NLGN3: variants seen among roughly 807,000 people sequenced by gnomAD.
The protein encoded by NLGN3 is neuroligin 3.
A neutral mutation model predicts 42.9 loss-of-function variants in NLGN3; 11 were observed. That is an observed-to-expected ratio of 0.26 (90% CI 0.16 to 0.42). NLGN3 has a LOEUF of 0.42. Ranked by LOEUF, NLGN3 falls within the 10% of genes least tolerant of loss-of-function variation. The pLI is 1.00. For missense variants in NLGN3, 374 were observed against 733.8 expected (o/e 0.51, Z 5.67); for synonymous variants, 279 against 312.7 (o/e 0.89, Z 1.14).
chrX:71,171,664 G>C (rs2092471593), downstream of NLGN3: 1 of 752,111 alleles, frequency 1.3e-6, no homozygotes, highest in Non-Finnish European at 1.6e-6. Context: ...TGCAGCGTCA[G>C]ACGTGGACTC....
At position 71,158,886 on chromosome X, in the gene NLGN3, C is replaced by G. The variant is rs766627224; in HGVS notation, c.727+3523C>G. Among the ~76,000 whole-genome samples the G allele has an allele frequency of 7.1e-5, 8 of 111,986 alleles. No homozygotes were observed. The East Asian group carries it at 2.0e-3, about 27-fold the overall frequency. On this transcript the variant is annotated intron_variant, in intron 5 of 7. Transcript: ENST00000358741. ...ATTACTTCACAATCCTTCAGCTGCTCTAATCCTTAAGCTTCTACACCAGAA... is the reference window on the plus strand; with the variant it reads ...ATTACTTCACAATCCTTCAGCTGCTGTAATCCTTAAGCTTCTACACCAGAA...
chrX:71,149,300 A>G (rs1269623431), intron 3 of NLGN3, among the ~76,000 whole-genome samples: 1 of 110,299 alleles, frequency 9.1e-6, no homozygotes, highest in Non-Finnish European at 1.9e-5. Context: ...TCCTGGATTG[A>G]AAGTCTAGAC....
chrX:71,145,716 T>C (rs1379611802), intron 1 of NLGN3, among the ~76,000 whole-genome samples: 1 of 102,296 alleles, frequency 9.8e-6, no homozygotes, highest in Admixed American at 1.1e-4. Flanking sequence ...AAGGAGAATT[T>C]GGCATTTGGC....
chrX:71,170,546 CTT>C lies in NLGN3; in HGVS notation c.*454_*455del, dbSNP rs753142830. 1.6e-5 allele frequency: 13 copies of C among 795,164 alleles called. No individual in the cohort carries two copies. Among genetic ancestry groups the C allele is most frequent in the Non-Finnish European group, 2.0e-5 (13 of 665,778 alleles). The allele number at this position is 795,164 out of a possible 1,213,427, so 65.5% of individuals were successfully genotyped here. On this transcript the variant is annotated 3_prime_UTR_variant, in exon 8 of 8. Coordinates refer to ENST00000358741, the MANE Select transcript of NLGN3 (RefSeq NM_181303.2). ...TAGCTCTTCCTCCCCAGGACTTGGT[CTT>C]TTTTCTGGGTCTTGTTTTGTTGATT...
chrX:71,171,738 T>C (rs767160253), downstream of NLGN3: 7 of 668,021 alleles, frequency 1.0e-5, no homozygotes, highest in Non-Finnish European at 1.2e-5. Flanking sequence ...TGTTTGCTGC[T>C]CTGTGAATTA....
At chrX:71,158,944 T>C (rs757195321) in intron 5 of NLGN3, among the ~76,000 whole-genome samples, 3 of 111,654 alleles carry the variant, frequency 2.7e-5, no homozygotes, top group Admixed American at 9.4e-5. Flanking sequence ...TTGGACCCTT[T>C]TGAGATTCTG....
At chrX:71,160,038 G>A (rs1421512391) in intron 5 of NLGN3, among the ~76,000 whole-genome samples, 2 of 104,305 alleles carry the variant, frequency 1.9e-5, no homozygotes, top group African/African-American at 7.0e-5. Context: ...ACCCGGCGGG[G>A]AATTTTCCTG....
Position 71,167,593 on chromosome X carries a change from C to T in NLGN3, c.1496C>T (p.Ser499Leu). 1.7e-6 allele frequency: 2 copies of T among 1,211,145 alleles called. No homozygotes were observed. The highest frequency in any genetic ancestry group is 1.1e-6 in the Non-Finnish European group (1 of 895,335). ...VTADLHARYG[S>L]PTYFYAFYHH... ...GCCGATCTGCATGCCCGCTACGGCT[C>T]GCCTACCTACTTCTACGCCTTCTAT... Residue 499 changes from serine to leucine, a missense_variant, in exon 7 of 8, where the codon TCG becomes TTG. Ser to Leu is a moderately radical substitution (Grantham distance 145). This residue lies in a region of NLGN3 where 142 missense variants were observed against 359.1 expected (regional missense o/e 0.40). Coordinates refer to ENST00000358741, the MANE Select transcript of NLGN3 (RefSeq NM_181303.2).
At chrX:71,168,867 A>G (rs867700918) in intron 7 of NLGN3, among the ~76,000 whole-genome samples, 2 of 69,251 alleles carry the variant, frequency 2.9e-5, no homozygotes, top group Admixed American at 1.6e-4. Flanking sequence ...GAAAGAAAGA[A>G]AGAGAAAGAA....
chrX:71,147,138 C>G (rs188283349), intron 1 of NLGN3, among the ~76,000 whole-genome samples: 90 of 111,311 alleles, frequency 8.1e-4, no homozygotes, highest in African/African-American at 2.3e-3. Flanking sequence ...AAGTGGAGGT[C>G]CCTGTGTGGG....
downstream of NLGN3, among the ~76,000 whole-genome samples, chrX:71,171,934 T>C (rs374247839): frequency 9.0e-5 from 10 of 111,000 alleles, no homozygotes; most frequent in African/African-American, 3.3e-4. Flanking sequence ...GATAGTTGGG[T>C]GGGGTTGCTG....
rs187988610 is a variant in NLGN3 at position 71,165,312 on chromosome X, G to A, written c.913+984G>A. Among the ~76,000 whole-genome samples, 13 of 111,425 alleles carry A rather than the reference G, an allele frequency of 1.2e-4. No individual in the cohort carries two copies. In the East Asian group the frequency reaches 1.4e-3, roughly 12 times the overall value. On this transcript the variant is annotated intron_variant, in intron 6 of 7. Coordinates refer to ENST00000358741, the MANE Select transcript of NLGN3 (RefSeq NM_181303.2). ...TGGGATCTGCCTCTCTAAAGAGAGA[G>A]ACTGTGTTCCTAGGTGACCATAGTG...
chrX:71,168,884 G>GAAA (rs774015992), intron 7 of NLGN3, among the ~76,000 whole-genome samples: 1,895 of 71,421 alleles, frequency 0.027, 76 homozygotes, highest in Admixed American at 0.12. Flanking sequence ...AGAAAAGAAA[G>GAAA]AGAAAGAAAG....
chrX:71,148,524 T>G (rs968485048), intron 2 of NLGN3, among the ~76,000 whole-genome samples: 7 of 111,195 alleles, frequency 6.3e-5, no homozygotes, highest in African/African-American at 2.3e-4. Context: ...CGCGGGAGGA[T>G]GCTGGCTCCA....
At chrX:71,153,102 A>C (rs2503129) in intron 3 of NLGN3, among the ~76,000 whole-genome samples, 2 of 112,453 alleles carry the variant, frequency 1.8e-5, no homozygotes, top group Non-Finnish European at 3.8e-5. Context: ...CTGCCTGTGT[A>C]CACACAAGCA....
At chrX:71,156,302 C>T (rs1036145204) in intron 5 of NLGN3, among the ~76,000 whole-genome samples, 2 of 107,969 alleles carry the variant, frequency 1.9e-5, no homozygotes, top group East Asian at 5.8e-4. Context: ...CTACCACACA[C>T]ACCTGTCCCT....
In NLGN3 at chrX:71,167,203, G is replaced by A. The variant is rs1169314014; in HGVS notation, c.1106G>A (p.Arg369His). Residue 369 changes from arginine (R) to histidine (H), a missense_variant, in exon 7 of 8, where the codon CGC becomes CAC. Arg to His is a conservative substitution (Grantham distance 29). Coordinates refer to ENST00000358741, the MANE Select transcript of NLGN3 (RefSeq NM_181303.2). ...ELVEQDIQPA[R>H]YHVAFGPVID... ...GTAGAGCAGGACATCCAGCCAGCCCGCTACCACGTGGCCTTTGGCCCTGTG... is the reference window on the plus strand; with the variant it reads ...GTAGAGCAGGACATCCAGCCAGCCCACTACCACGTGGCCTTTGGCCCTGTG... 5 of 1,209,881 alleles carry A rather than the reference G, an allele frequency of 4.1e-6. No individual in the cohort carries two copies. The highest frequency in any genetic ancestry group is 4.5e-6 in the Non-Finnish European group (4 of 895,074).
intron 6 of NLGN3, among the ~76,000 whole-genome samples, chrX:71,164,708 T>C (rs749501144): frequency 9.0e-6 from 1 of 111,408 alleles, no homozygotes; most frequent in Non-Finnish European, 1.9e-5. Flanking sequence ...GGTTTCTAGG[T>C]CTAAGAAACA....
Position 71,147,648 on chromosome X carries a change from C to T in NLGN3, c.-102C>T. 1.4e-6 allele frequency: 1 copy of T among 715,020 alleles called. No homozygotes were observed. Among genetic ancestry groups the T allele is most frequent in the Non-Finnish European group, 2.1e-6 (1 of 470,441 alleles). The allele number at this position is 715,020 out of a possible 1,213,427, so 58.9% of individuals were successfully genotyped here. ...CACCTGTAGGTGTCCCTCGAGAGCT[C>T]AGTTTTGAGGTTCAAGTCAGTGTGG... On this transcript the variant is annotated 5_prime_UTR_variant, in exon 2 of 8. Coordinates refer to ENST00000358741, the MANE Select transcript of NLGN3 (RefSeq NM_181303.2).
Sources: gnomAD v4.1 joint callset for allele counts (sites outside exome capture counted in the v4.1 genomes callset) on GRCh38, gnomAD v4.1.1 for gene constraint, gnomAD v4.1.1 regional missense constraint, MANE v1.5 for transcripts, NCBI Gene and HGNC (gene_info 2026-07-23, HGNC 2026-07-21) for gene names.